The following AIG1 variants were observed in gnomAD, a reference collection of about 807,000 sequenced individuals.
AIG1 encodes androgen-induced gene 1 protein.
In AIG1, 23 loss-of-function variants were observed where a neutral mutation model predicts 31.4. The ratio of observed to expected loss-of-function variants is 0.73; its 90% confidence interval spans 0.53 to 1.04. AIG1 has a LOEUF of 1.04. Ranked by LOEUF, AIG1 falls within the 50% of genes least tolerant of loss-of-function variation. The pLI is 0.00. For synonymous variants in AIG1, 100 were observed against 110.5 expected, an observed-to-expected ratio of 0.90 and a Z score of 0.60; for missense variants, 274 against 295.0, an observed-to-expected ratio of 0.93 and a Z score of 0.52.
Position 143,154,197 on chromosome 6 carries a change from C to A in AIG1, c.298-10885C>A, listed in dbSNP as rs141810694. Among the ~76,000 whole-genome samples, 483 of 151,890 alleles carry A rather than the reference C, an allele frequency of 3.2e-3. 4 individuals are homozygous for A. The highest frequency in any genetic ancestry group is 0.011 in the African/African-American group (449 of 41,340). ...GGAAACTTACTAAAATTAAAATTTT[C>A]TAAAGATATGTTTTTTTTCATCTAT... On this transcript the variant is annotated intron_variant, in intron 2 of 5. Transcript: ENST00000357847.
chr6:143,109,544 GATTTATT>G, intron 1 of AIG1, among the ~76,000 whole-genome samples: 1 of 152,076 alleles, frequency 6.6e-6, no homozygotes, highest in African/African-American at 2.4e-5. Flanking sequence ...GTTTTTTTCT[GATTTATT>G]ATTTTTTTTA....
chr6:143,220,653 G>C (rs1452164974), intron 3 of AIG1, among the ~76,000 whole-genome samples: 1 of 152,084 alleles, frequency 6.6e-6, no homozygotes, highest in Non-Finnish European at 1.5e-5. Flanking sequence ...TGTCATCAAT[G>C]TTTACATCTA....
intron 1 of AIG1, among the ~76,000 whole-genome samples, chr6:143,133,852 T>G (rs982221410): frequency 6.6e-6 from 1 of 152,098 alleles, no homozygotes; most frequent in African/African-American, 2.4e-5. Flanking sequence ...CTTTCCAGGC[T>G]GCATAAAACA....
chr6:143,176,330 G>C (rs1277371971), intron 3 of AIG1, among the ~76,000 whole-genome samples: 2 of 152,156 alleles, frequency 1.3e-5, no homozygotes, highest in Non-Finnish European at 2.9e-5. Context: ...GGGAGTATAG[G>C]GAGGATATAA....
intron 3 of AIG1, among the ~76,000 whole-genome samples, chr6:143,205,584 A>C (rs957284897): frequency 3.8e-4 from 58 of 152,156 alleles, no homozygotes; most frequent in African/African-American, 1.3e-3. Flanking sequence ...TCTGTTGTTG[A>C]TGTAAAGTAC....
At chr6:143,083,626 A>C (rs1038238885) in intron 1 of AIG1, among the ~76,000 whole-genome samples, 15 of 152,100 alleles carry the variant, frequency 9.9e-5, no homozygotes, top group African/African-American at 3.6e-4. Context: ...GTACTCCTAA[A>C]ATTGGAGTAT....
rs1261585390 is a variant in AIG1 at position 143,284,299 on chromosome 6, A to G, written c.515+74A>G. On this transcript the variant is annotated intron_variant, in intron 4 of 5. Coordinates refer to ENST00000357847, the MANE Select transcript of AIG1 (RefSeq NM_016108.4). This position sits in a 1 kb window ranked among gnomAD's most constrained non-coding sequence, Gnocchi z 4.4. ...GCTAAATTTGGGCACATATTTCATTATGGATATAATCACTAACAGATTCAC... is the reference window on the plus strand; with the variant it reads ...GCTAAATTTGGGCACATATTTCATTGTGGATATAATCACTAACAGATTCAC... The G allele has an allele frequency of 9.4e-7, 1 of 1,063,960 alleles. No individual in the cohort carries two copies. Among genetic ancestry groups the G allele is most frequent in the Non-Finnish European group, 1.4e-6 (1 of 705,048 alleles). The allele number at this position is 1,063,960 out of a possible 1,614,324, so 65.9% of individuals were successfully genotyped here.
intron 1 of AIG1, among the ~76,000 whole-genome samples, chr6:143,112,152 C>A (rs1003921695): frequency 2.0e-5 from 3 of 152,132 alleles, no homozygotes; most frequent in Non-Finnish European, 4.4e-5. Context: ...TTGACACTAC[C>A]CCTTTTCACC....
intron 4 of AIG1, among the ~76,000 whole-genome samples, chr6:143,303,055 C>T (rs1798944662): frequency 6.6e-6 from 1 of 152,130 alleles, no homozygotes; most frequent in Admixed American, 6.5e-5. Flanking sequence ...GTCCTTCGCC[C>T]ACTTTTTGAT....
chr6:143,263,843 T>G (rs923271056), intron 3 of AIG1, among the ~76,000 whole-genome samples: 1 of 152,234 alleles, frequency 6.6e-6, no homozygotes, highest in African/African-American at 2.4e-5. Flanking sequence ...ATTATTTTGC[T>G]ACTGTAAGTA....
chr6:143,180,051 T>G (rs1354007313), intron 3 of AIG1, among the ~76,000 whole-genome samples: 2 of 152,258 alleles, frequency 1.3e-5, no homozygotes, highest in East Asian at 3.8e-4. Flanking sequence ...ACCGTCTTTC[T>G]GTCCTCAGTC....
At chr6:143,197,041 A>G (rs1790296346) in intron 3 of AIG1, among the ~76,000 whole-genome samples, 1 of 152,104 alleles carries the variant, frequency 6.6e-6, no homozygotes, top group African/African-American at 2.4e-5. Flanking sequence ...GCTGTGATGA[A>G]TGTGTGTGTG....
intron 3 of AIG1, among the ~76,000 whole-genome samples, chr6:143,227,860 G>A (rs956575214): frequency 2.6e-5 from 4 of 152,130 alleles, no homozygotes; most frequent in Middle Eastern, 3.2e-3. Flanking sequence ...GGAAGAGCAT[G>A]GGTTGTCACC....
At chr6:143,342,753 A>T, downstream of AIG1, 1 of 835,038 alleles carries the variant, frequency 1.2e-6, no homozygotes, top group East Asian at 2.4e-5. Context: ...CAGCGGACTC[A>T]GGTATCATAG....
chr6:143,132,231 A>G (rs919938041), intron 1 of AIG1, among the ~76,000 whole-genome samples: 8 of 152,280 alleles, frequency 5.3e-5, no homozygotes, highest in African/African-American at 1.7e-4. Flanking sequence ...TTTTTCAGCA[A>G]TTGTCATTGA....
chr6:143,335,811 C>T (rs537828411), intron 5 of AIG1, among the ~76,000 whole-genome samples: 22 of 151,708 alleles, frequency 1.5e-4, no homozygotes, highest in African/African-American at 5.1e-4. Flanking sequence ...AAAAATGAGC[C>T]GGGCGTACAT....
intron 2 of AIG1, among the ~76,000 whole-genome samples, chr6:143,155,492 G>A (rs144965478): frequency 2.4e-4 from 36 of 152,194 alleles, no homozygotes; most frequent in African/African-American, 6.5e-4. Context: ...GACCTGGAGG[G>A]TGAAAGAGCC....
intron 3 of AIG1, among the ~76,000 whole-genome samples, chr6:143,215,271 A>G (rs751224729): frequency 1.3e-5 from 2 of 152,304 alleles, no homozygotes; most frequent in South Asian, 4.1e-4. Flanking sequence ...GGAAAAAGGT[A>G]TGGATGAGCT....
intron 3 of AIG1, among the ~76,000 whole-genome samples, chr6:143,232,154 G>C (rs985686892): frequency 6.6e-6 from 1 of 152,066 alleles, no homozygotes; most frequent in East Asian, 1.9e-4. Flanking sequence ...GAAAGTTGGA[G>C]GTATTTCTCA....
Sources: allele counts gnomAD v4.1 joint callset (sites outside exome capture counted in the v4.1 genomes callset), GRCh38; gene constraint gnomAD v4.1.1; non-coding constraint Gnocchi (gnomAD v3.1); transcripts MANE v1.5; gene names NCBI Gene and HGNC (gene_info 2026-07-23, HGNC 2026-07-21).